Variants in COL6A5 observed in about 807,000 individuals in gnomAD.
COL6A5 encodes the protein collagen alpha-5(VI) chain.
COL6A5 carries 48 observed loss-of-function variants against 65.6 expected under a neutral mutation model. The ratio of observed to expected loss-of-function variants is 0.73; its 90% CI spans 0.58 to 0.93. The LOEUF (loss-of-function observed/expected upper bound fraction) is 0.93, where lower values mean the gene tolerates loss of function less well. COL6A5 is among the 40% of genes least tolerant of loss of function. COL6A5 has a pLI of 0.00. For missense variants in COL6A5, 914 were observed against 928.3 expected, an observed-to-expected ratio of 0.98 and a Z score of 0.20; for synonymous variants, 291 against 322.8, an observed-to-expected ratio of 0.90 and a Z score of 1.05.
chr3:130,399,596 C>A (rs958072307), intron 10 of COL6A5, among the ~76,000 whole-genome samples: 1 of 151,940 alleles, frequency 6.6e-6, no homozygotes, highest in African/African-American at 2.4e-5. Context: ...TGGCCTGGAT[C>A]TCCTGACCTC....
In COL6A5 at chr3:130,452,477, G is replaced by C. The variant is rs189221356; in HGVS notation, c.1333-2978G>C. Among the ~76,000 whole-genome samples the C allele has an allele frequency of 8.9e-4, 135 of 152,278 alleles. 1 individual carries two copies. The highest frequency in any genetic ancestry group is 2.9e-3 in the African/African-American group (122 of 41,572). On this transcript the variant is annotated intron_variant, in intron 4 of 7. Transcript: ENST00000512836. ...GAGACATCACATGTCGGTAGGTTCC[G>C]TGATGCCCCACAAGCCGCAAAACCA...
At chr3:130,350,131 C>T (rs1260762979) in intron 1 of COL6A5, among the ~76,000 whole-genome samples, 1 of 152,142 alleles carries the variant, frequency 6.6e-6, no homozygotes, top group Non-Finnish European at 1.5e-5. Context: ...TACATTGCCT[C>T]ATCAATCAAC....
At chr3:130,470,178 G>T (rs965846320) in intron 6 of COL6A5, among the ~76,000 whole-genome samples, 1 of 152,036 alleles carries the variant, frequency 6.6e-6, no homozygotes, top group Non-Finnish European at 1.5e-5. Flanking sequence ...GGGCTTTAAG[G>T]GTGGCTGCCC....
chr3:130,462,920 G>C (rs1009410543), intron 5 of COL6A5, among the ~76,000 whole-genome samples: 3 of 152,042 alleles, frequency 2.0e-5, no homozygotes, highest in African/African-American at 7.2e-5. Context: ...TTCTGAAGGA[G>C]CTAGACAAAG....
chr3:130,421,856 A>G (rs549069327), intron 27 of COL6A5, among the ~76,000 whole-genome samples: 3 of 152,208 alleles, frequency 2.0e-5, no homozygotes, highest in East Asian at 3.9e-4. Flanking sequence ...AACATCTTCA[A>G]GAATTCCTCA....
exon 5 of COL6A5, chr3:130,385,267 A>C: frequency 6.4e-7 from 1 of 1,550,992 alleles, no homozygotes; most frequent in Non-Finnish European, 8.7e-7. Flanking sequence ...AACTGCAAGA[A>C]ATTGCTGGGA....
At chr3:130,365,340 A>C (rs958217291) in intron 1 of COL6A5, among the ~76,000 whole-genome samples, 1 of 152,144 alleles carries the variant, frequency 6.6e-6, no homozygotes, top group Non-Finnish European at 1.5e-5. Flanking sequence ...AGCAGTGGCG[A>C]GATCTCGGCT....
intron 7 of COL6A5, among the ~76,000 whole-genome samples, chr3:130,482,450 T>G (rs746302444): frequency 5.3e-5 from 8 of 152,172 alleles, no homozygotes; most frequent in Non-Finnish European, 7.4e-5. Flanking sequence ...TACTGTAGCC[T>G]TGTAGTATAG....
At chr3:130,375,254 T>C (rs773360075) in intron 2 of COL6A5, among the ~76,000 whole-genome samples, 5 of 152,194 alleles carry the variant, frequency 3.3e-5, no homozygotes, top group Admixed American at 6.5e-5. Context: ...CAAGAGGTTC[T>C]GCCTACAACC....
chr3:130,362,326 A>ATTTT (rs374784717), intron 1 of COL6A5, among the ~76,000 whole-genome samples: 1 of 4,672 alleles, frequency 2.1e-4, no homozygotes, highest in African/African-American at 4.8e-4. Context: ...ATATATATAT[A>ATTTT]TTTTTTTTTT....
At chr3:130,379,717 A>C in exon 4 of COL6A5, 2 of 1,551,478 alleles carry the variant, frequency 1.3e-6, no homozygotes, top group Non-Finnish European at 1.7e-6. Context: ...TCAGATGAGA[A>C]GAGACGGCTT....
chr3:130,406,328 CT>C lies in COL6A5; in HGVS notation c.4479+11del, dbSNP rs1376361433. On this transcript the variant is annotated splice_region_variant and intron_variant and NMD_transcript_variant, in intron 17 of 41. Coordinates refer to the COL6A5 transcript ENST00000312481. ...AGGTGATCCAGGATCTCAGGTAACA[CT>C]TTTCTTTTCAATACTTCAAAGAAGG... 49 of 1,544,476 alleles carry C rather than the reference CT, an allele frequency of 3.2e-5. No individual in the cohort carries two copies. Among genetic ancestry groups the C allele is most frequent in the Non-Finnish European group, 4.2e-5 (48 of 1,140,882 alleles).
At chr3:130,436,563 A>G (rs1279344874) in intron 1 of COL6A5, among the ~76,000 whole-genome samples, 1 of 152,138 alleles carries the variant, frequency 6.6e-6, no homozygotes, top group Non-Finnish European at 1.5e-5. Flanking sequence ...TGCTCATGTC[A>G]AGGTCAACTG....
At chr3:130,472,605 G>A (rs1497328) in intron 7 of COL6A5, among the ~76,000 whole-genome samples, 145,042 of 151,824 alleles carry the variant, frequency 0.96, 69,426 homozygotes, top group Non-Finnish European at 0.99. Context: ...TGTATATCCA[G>A]TGACCCAGTA....
intron 4 of COL6A5, among the ~76,000 whole-genome samples, chr3:130,448,377 A>G (rs925325612): frequency 3.9e-5 from 6 of 152,220 alleles, no homozygotes; most frequent in Admixed American, 3.3e-4. Context: ...TCCCAGCAGC[A>G]TAGAGAACAA....
At chr3:130,440,598 C>G (rs776231009) in exon 3 of COL6A5, 17 of 1,613,380 alleles carry the variant, frequency 1.1e-5, no homozygotes, top group East Asian at 2.2e-5. Context: ...GTGGTCTCAG[C>G]TGGAGAAAAT....
intron 10 of COL6A5, among the ~76,000 whole-genome samples, chr3:130,399,599 C>G (rs988245029): frequency 6.6e-6 from 1 of 151,918 alleles, no homozygotes; most frequent in Non-Finnish European, 1.5e-5. Flanking sequence ...CCTGGATCTC[C>G]TGACCTCATG....
At chr3:130,403,708 T>C (rs561246034) in intron 13 of COL6A5, 46 bp downstream of exon 13, 6 of 1,215,648 alleles carry the variant, frequency 4.9e-6, no homozygotes, top group Admixed American at 2.3e-5. Flanking sequence ...ACACACACTG[T>C]ACACACACAC....
exon 8 of COL6A5, chr3:130,394,903 G>C: frequency 6.5e-7 from 1 of 1,549,334 alleles, no homozygotes; most frequent in Non-Finnish European, 8.7e-7. Context: ...GTCATCTTCA[G>C]GAAGCTGACG....
Sources: gnomAD v4.1 joint callset for allele counts (sites outside exome capture counted in the v4.1 genomes callset) on GRCh38, gnomAD v4.1.1 for gene constraint, MANE v1.5 for transcripts, NCBI Gene and HGNC (gene_info 2026-07-23, HGNC 2026-07-21) for gene names.